Variants in FCHSD2 observed in about 807,000 individuals in gnomAD.
The protein encoded by FCHSD2 is F-BAR and double SH3 domains protein 2.
Under a neutral mutation model 108.1 loss-of-function variants are expected in FCHSD2, and 38 were observed. That is an observed-to-expected ratio of 0.35 (90% CI 0.27 to 0.46). The LOEUF (loss-of-function observed/expected upper bound fraction) is 0.46. Ranked by LOEUF, FCHSD2 falls within the 20% of genes least tolerant of loss-of-function variation. FCHSD2 has a pLI of 1.00. For synonymous variants in FCHSD2, 279 were observed against 314.7 expected, an observed-to-expected ratio of 0.89 and a Z score of 1.20; for missense variants, 751 against 897.8, an observed-to-expected ratio of 0.84 and a Z score of 2.09.
chr11:73,119,195 G>A (rs748313207), intron 2 of FCHSD2, among the ~76,000 whole-genome samples: 6 of 151,612 alleles, frequency 4.0e-5, no homozygotes, highest in South Asian at 2.1e-4. Flanking sequence ...CCAGCTACTC[G>A]GGAGACTGAA....
intron 3 of FCHSD2, among the ~76,000 whole-genome samples, chr11:73,024,936 A>G (rs1332105066): frequency 6.6e-6 from 1 of 152,214 alleles, no homozygotes; most frequent in Non-Finnish European, 1.5e-5. Flanking sequence ...CAAAATCACA[A>G]TGAGATACTA....
At chr11:73,031,569 A>G (rs766799642) in intron 3 of FCHSD2, among the ~76,000 whole-genome samples, 5 of 152,160 alleles carry the variant, frequency 3.3e-5, no homozygotes, top group Non-Finnish European at 7.3e-5. Flanking sequence ...TTACACTTAC[A>G]AAGTATTTGT....
In FCHSD2 at chr11:73,139,539, A is replaced by T. The variant is rs528610576; in HGVS notation, c.119+492T>A. Among the ~76,000 whole-genome samples, 27 of 152,346 alleles carry T rather than the reference A, an allele frequency of 1.8e-4. No individual in the cohort carries two copies. The South Asian group carries it at 3.5e-3, about 20-fold the overall frequency. On this transcript the variant is annotated intron_variant, in intron 2 of 19. Coordinates refer to ENST00000409418, the MANE Select transcript of FCHSD2 (RefSeq NM_014824.3). ...TGAATATGAGTAACCTCAATAATAA[A>T]ATAAAATATGATAAACACACTTCTC... is the stretch of plus-strand genomic sequence containing the variant.
chr11:72,878,261 G>T (rs1591363868), intron 12 of FCHSD2, among the ~76,000 whole-genome samples: 2 of 152,142 alleles, frequency 1.3e-5, no homozygotes, highest in East Asian at 3.9e-4. Flanking sequence ...CTGCATTCTA[G>T]CCTGGGAAAT....
rs765405062 is a variant in FCHSD2, at chr11:72,840,882, G to A, written c.2134C>T (p.Arg712Ter). 3 of 1,605,680 alleles carry A rather than the reference G, an allele frequency of 1.9e-6. No individual in the cohort carries two copies. The highest frequency in any genetic ancestry group is 1.7e-5 in the Admixed American group (1 of 59,986). The change falls in exon 19 of 20, where the codon CGA becomes TGA. Residue 712 changes from arginine (R) to a stop codon, truncating the protein, a stop_gained. Coordinates refer to ENST00000409418, the MANE Select transcript of FCHSD2 (RefSeq NM_014824.3). LOFTEE classifies it high-confidence loss of function. ...HTPETSYGKL[R>*]PVRAAPPPPT... is the part of the protein sequence containing the mutation. ...CTGCAAGATCAGAGACTTACAGGTC[G>A]CAGTTTGCCATATGAGGTCTCAGGA...
At chr11:72,901,855 T>C (rs566591431) in intron 10 of FCHSD2, among the ~76,000 whole-genome samples, 1 of 151,950 alleles carries the variant, frequency 6.6e-6, no homozygotes, top group South Asian at 2.1e-4. Flanking sequence ...CATTTATTAA[T>C]TCTATTCTGG....
At chr11:73,068,043 C>T (rs887766189) in intron 3 of FCHSD2, among the ~76,000 whole-genome samples, 2 of 151,902 alleles carry the variant, frequency 1.3e-5, no homozygotes, top group Admixed American at 6.6e-5. Context: ...CATCAGATCT[C>T]GTGAGACTTA....
At chr11:72,946,210 G>C (rs1464649954) in intron 8 of FCHSD2, among the ~76,000 whole-genome samples, 3 of 152,070 alleles carry the variant, frequency 2.0e-5, no homozygotes, top group East Asian at 1.9e-4. Flanking sequence ...GGAATACTAT[G>C]CAGCCATAAA....
At chr11:73,126,467 A>G (rs1266927258) in intron 2 of FCHSD2, among the ~76,000 whole-genome samples, 1 of 151,932 alleles carries the variant, frequency 6.6e-6, no homozygotes, top group Non-Finnish European at 1.5e-5. Flanking sequence ...TTTATGAAGA[A>G]AAGTTTGTAA....
chr11:73,007,964 T>TA (rs1857777875), intron 4 of FCHSD2, among the ~76,000 whole-genome samples: 1 of 152,188 alleles, frequency 6.6e-6, no homozygotes, highest in Non-Finnish European at 1.5e-5. Context: ...AAAAAGTGTT[T>TA]AAGATATAAC....
At chr11:73,127,308 TAAAAC>T (rs978519395) in intron 2 of FCHSD2, among the ~76,000 whole-genome samples, 7 of 152,142 alleles carry the variant, frequency 4.6e-5, no homozygotes, top group Non-Finnish European at 7.4e-5. Flanking sequence ...AATGGAATGT[TAAAAC>T]AAAGCACGAT....
At chr11:73,058,851 A>T (rs1859095663) in intron 3 of FCHSD2, among the ~76,000 whole-genome samples, 1 of 152,126 alleles carries the variant, frequency 6.6e-6, no homozygotes, top group South Asian at 2.1e-4. Flanking sequence ...TACACGTGTG[A>T]GCCATCCCAC....
chr11:73,031,749 T>C (rs776122989), intron 3 of FCHSD2, among the ~76,000 whole-genome samples: 19 of 152,148 alleles, frequency 1.2e-4, no homozygotes, highest in Non-Finnish European at 2.1e-4. Context: ...TTCTCACCAT[T>C]GATATGAACT....
intron 3 of FCHSD2, among the ~76,000 whole-genome samples, chr11:73,044,457 A>G (rs1858710031): frequency 6.6e-6 from 1 of 152,098 alleles, no homozygotes; most frequent in African/African-American, 2.4e-5. Context: ...GCACACACCT[A>G]TAGTCCTAGC....
At chr11:72,874,785 A>G (rs1025830467) in intron 12 of FCHSD2, among the ~76,000 whole-genome samples, 3 of 152,226 alleles carry the variant, frequency 2.0e-5, no homozygotes, top group Non-Finnish European at 4.4e-5. Context: ...TCAGTTGCTT[A>G]TAAGTTAAAA....
chr11:73,074,979 A>G (rs114259149), intron 3 of FCHSD2, among the ~76,000 whole-genome samples: 1 of 152,170 alleles, frequency 6.6e-6, no homozygotes. Context: ...TCAATAAGAG[A>G]AAAGCCAACA....
At chr11:72,921,616 A>G (rs181092521) in intron 9 of FCHSD2, among the ~76,000 whole-genome samples, 1 of 152,332 alleles carries the variant, frequency 6.6e-6, no homozygotes, top group Admixed American at 6.5e-5. Flanking sequence ...ACCTTGTATC[A>G]GCACCTCTCT....
At chr11:72,840,274 A>G (rs1860875768) in intron 19 of FCHSD2, among the ~76,000 whole-genome samples, 1 of 152,228 alleles carries the variant, frequency 6.6e-6, no homozygotes, top group Non-Finnish European at 1.5e-5. Flanking sequence ...TATTTGCTGA[A>G]TGAATGAAGC....
chr11:73,110,492 C>T (rs977413004), intron 2 of FCHSD2, among the ~76,000 whole-genome samples: 1 of 151,980 alleles, frequency 6.6e-6, no homozygotes, highest in Admixed American at 6.6e-5. Context: ...GTTCATAGTA[C>T]CCATGAATAA....
Sources: gnomAD v4.1 joint callset for allele counts (sites outside exome capture counted in the v4.1 genomes callset) on GRCh38, gnomAD v4.1.1 for gene constraint, MANE v1.5 for transcripts, NCBI Gene and HGNC (gene_info 2026-07-23, HGNC 2026-07-21) for gene names.